GLB1L2: variants seen among roughly 807,000 people sequenced by gnomAD.
GLB1L2 encodes beta-galactosidase-1-like protein 2.
A neutral mutation model predicts 84.1 loss-of-function variants in GLB1L2; 68 were observed. The ratio of observed to expected loss-of-function variants is 0.81; its 90% CI spans 0.67 to 0.99. The LOEUF is 0.99. GLB1L2 is among the 50% of genes least tolerant of loss of function. The pLI, the probability that GLB1L2 is intolerant of heterozygous loss-of-function variation, is 0.00. For synonymous variants in GLB1L2, 290 were observed against 318.0 expected (o/e 0.91, Z 0.94); for missense variants, 762 against 805.6 (o/e 0.95, Z 0.66).
chr11:134,356,930 A>G (rs1943710835), intron 6 of GLB1L2, among the ~76,000 whole-genome samples: 1 of 152,224 alleles, frequency 6.6e-6, no homozygotes, highest in African/African-American at 2.4e-5. Flanking sequence ...TCTGTCCCTT[A>G]GTAGCTGAGA....
rs921449149 is a variant in GLB1L2 at position 134,366,269 on chromosome 11, G to T, written c.805-988G>T. Among the ~76,000 whole-genome samples the T allele has an allele frequency of 5.3e-5, 8 of 152,342 alleles. No individual in the cohort carries two copies. The Middle Eastern group carries it at 0.01, about 194-fold the overall frequency. On this transcript the variant is annotated intron_variant, in intron 8 of 18. Coordinates refer to ENST00000535456, the MANE Select transcript of GLB1L2 (RefSeq NM_001370461.1). ...GTATGGTATGTCTCCTTCTTGGAAGGTAGGTGGCTTGTAAAGAAAACCAAG... is the reference window on the plus strand; with the variant it reads ...GTATGGTATGTCTCCTTCTTGGAAGTTAGGTGGCTTGTAAAGAAAACCAAG...
In GLB1L2 at chr11:134,371,756, AC is replaced by A; in HGVS notation, c.1434del (p.Tyr478Ter). 1 of 1,613,978 alleles carries A rather than the reference AC, an allele frequency of 6.2e-7. No homozygotes were observed. The highest frequency in any genetic ancestry group is 8.5e-7 in the Non-Finnish European group (1 of 1,179,958). On this transcript the variant is annotated frameshift_variant, in exon 15 of 19. Transcript: ENST00000535456. LOFTEE classifies it high-confidence loss of function. ...TTAGCCCCGTGTTCCCGGCAGGGTT[AC>A]ACCGTGCTGAGGATCTTGGTGGAGA... ...TKIAVPLIQG[Y>X]TVLRILVENR... is the part of the protein sequence containing the mutation.
chr11:134,369,492 C>T lies in GLB1L2; in HGVS notation c.1028-313C>T, dbSNP rs527491985. 4.0e-5 allele frequency among the ~76,000 whole-genome samples: 6 copies of T among 151,732 alleles called. No individual in the cohort carries two copies. The South Asian group carries it at 6.3e-4, about 16-fold the overall frequency. The stretch of plus-strand genomic sequence containing the variant: ...TTACAGGTGCGAGCTGCTGCACAAG[C>T]GATCCTCTTGCCTTGGCCTCCCAAA... On this transcript the variant is annotated intron_variant, in intron 10 of 18. Coordinates refer to ENST00000535456, the MANE Select transcript of GLB1L2 (RefSeq NM_001370461.1).
chr11:134,373,870 A>C, intron 16 of GLB1L2, 62 bp downstream of exon 16: 12 of 1,215,470 alleles, frequency 9.9e-6, no homozygotes, highest in African/African-American at 3.0e-5. Context: ...GGTGGGGCCC[A>C]GGGGTCCCTG....
intron 4 of GLB1L2, 72 bp from the exon 5 acceptor site, chr11:134,347,253 G>T (rs117883178): frequency 2.6e-4 from 279 of 1,092,350 alleles, no homozygotes; most frequent in Non-Finnish European, 3.7e-4. Context: ...CCCTTCTCAC[G>T]CATCAACAGC....
chr11:134,367,315 G>C lies in GLB1L2; in HGVS notation c.863G>C (p.Gly288Ala), dbSNP rs146246555. 1.2e-6 allele frequency: 2 copies of C among 1,614,104 alleles called. No individual in the cohort carries two copies. Among genetic ancestry groups the C allele is most frequent in the African/African-American group, 2.7e-5 (2 of 75,054 alleles). The change falls in exon 9 of 19, where the codon GGC becomes GCC. Residue 288 changes from glycine to alanine, a missense_variant. Physicochemically the swap from Gly to Ala is moderately conservative, Grantham distance 60. Coordinates refer to ENST00000535456, the MANE Select transcript of GLB1L2 (RefSeq NM_001370461.1). ...YWTGWFDSWG[G>A]PHNILDSSEV... ...ACGGGGTGGTTTGACTCGTGGGGAG[G>C]CCCTCACAATATCTTGGATTCTTCT... is the stretch of plus-strand genomic sequence containing the variant.
chr11:134,343,037 C>G, intron 2 of GLB1L2, 86 bp downstream of exon 2: 1 of 1,378,960 alleles, frequency 7.3e-7, no homozygotes, highest in South Asian at 1.4e-5. Context: ...GAGGAACCGG[C>G]CCAGGTCCTC....
intron 1 of GLB1L2, among the ~76,000 whole-genome samples, chr11:134,340,524 G>A (rs1398344974): frequency 1.3e-5 from 2 of 152,172 alleles, no homozygotes; most frequent in African/African-American, 4.8e-5. Flanking sequence ...AGCAGGTGTG[G>A]CCTGAGCAGT....
In GLB1L2 at chr11:134,370,976, C is replaced by T. The variant is rs1183488732; in HGVS notation, c.1216-32C>T. ...TGTCTGTGACCCCACTCCTCCTGAG[C>T]CTGCCCACCCCTCCATCTCTTCTGT... is the stretch of plus-strand genomic sequence containing the variant. On this transcript the variant is annotated intron_variant, in intron 12 of 18. Coordinates refer to ENST00000535456, the MANE Select transcript of GLB1L2 (RefSeq NM_001370461.1). This position sits in a 1 kb window ranked among gnomAD's most constrained non-coding sequence, Gnocchi z 4.7. The T allele has an allele frequency of 3.7e-6, 6 of 1,611,982 alleles. No homozygotes were observed. The highest frequency in any genetic ancestry group is 1.1e-5 in the South Asian group (1 of 90,654).
At chr11:134,371,656 T>C in intron 14 of GLB1L2, 96 bp from the exon 15 acceptor site, 2 of 1,259,186 alleles carry the variant, frequency 1.6e-6, no homozygotes, top group Non-Finnish European at 2.3e-6. Flanking sequence ...TACACTCCCA[T>C]CCCCAGAGCG....
Position 134,346,817 on chromosome 11 carries a change from C to T in GLB1L2, c.450-508C>T, listed in dbSNP as rs544408507. ...ATTCAACTCTTGCTCACCTGCTGCT[C>T]TGGGCTGTGCGCCACTGATGCCAAG... On this transcript the variant is annotated intron_variant, in intron 4 of 18. Transcript: ENST00000535456. The T allele has an allele frequency of 3.1e-5, 5 of 160,054 alleles. No individual in the cohort carries two copies. The South Asian group carries it at 8.4e-4, about 27-fold the overall frequency. 9.9% of individuals were successfully genotyped at this position (160,054 alleles called of 1,614,324 possible).
chr11:134,362,774 C>T (rs911837938), intron 7 of GLB1L2, among the ~76,000 whole-genome samples: 4 of 152,170 alleles, frequency 2.6e-5, no homozygotes, highest in Admixed American at 1.3e-4. Context: ...AGGGGATGGG[C>T]CCAGGTGGGA....
Position 134,370,542 on chromosome 11 carries a change from TG to T in GLB1L2, c.1215+149del. 3.0e-6 allele frequency: 2 copies of T among 662,352 alleles called. No homozygotes were observed. The highest frequency in any genetic ancestry group is 5.3e-6 in the Non-Finnish European group (2 of 376,812). 41.0% of individuals were successfully genotyped at this position (662,352 alleles called of 1,614,324 possible). On this transcript the variant is annotated intron_variant, in intron 12 of 18. Coordinates refer to ENST00000535456, the MANE Select transcript of GLB1L2 (RefSeq NM_001370461.1). This position sits in a 1 kb window ranked among gnomAD's most constrained non-coding sequence, Gnocchi z 4.7. ...CTGGAGCCCCTCCAGACAGGGAGTG[TG>T]GGGGGAGGCAGGCCAGTGCCTGGTG...
At position 134,374,666 on chromosome 11, in the gene GLB1L2, C is replaced by T. The variant is rs772549702; in HGVS notation, c.1772C>T (p.Pro591Leu). 1.1e-5 allele frequency: 17 copies of T among 1,613,908 alleles called. No homozygotes were observed. The highest frequency in any genetic ancestry group is 6.7e-5 in the African/African-American group (5 of 74,910). The change falls in exon 18 of 19, where the codon CCC becomes CTC. Residue 591 changes from proline (P) to leucine (L), a missense_variant. Pro to Leu is a moderately conservative substitution (Grantham distance 98, BLOSUM62 -3). Around this residue, in one of 3 missense-constraint regions of GLB1L2, gnomAD observed 603 missense variants for 611.7 expected, o/e 0.99. Coordinates refer to ENST00000535456, the MANE Select transcript of GLB1L2 (RefSeq NM_001370461.1). ...QNLGRYWNIG[P>L]QKTLYLPGPW... is the part of the protein sequence containing the mutation. ...CTTGGACGTTACTGGAACATTGGAC[C>T]CCAGAAGACGCTTTACCTCCCAGGT...
intron 4 of GLB1L2, 36 bp from the exon 5 acceptor site, chr11:134,347,289 A>T: frequency 6.6e-7 from 1 of 1,516,424 alleles, no homozygotes; most frequent in East Asian, 2.3e-5. Flanking sequence ...CCACTGTGAC[A>T]CTAACATCCT....
chr11:134,371,492 G>A lies in GLB1L2; in HGVS notation c.1428G>A (p.Gln476=). 6.3e-7 allele frequency: 1 copy of A among 1,575,798 alleles called. No homozygotes were observed. Among genetic ancestry groups the A allele is most frequent in the Non-Finnish European group, 8.7e-7 (1 of 1,145,248 alleles). The change falls in exon 14 of 19, where the codon CAG becomes CAA. Residue 476 remains glutamine, a splice_region_variant and synonymous_variant. Transcript: ENST00000535456. ...KTTKIAVPLI[Q]GYTVLRILVE... ...CGAAGATTGCTGTCCCCCTGATCCA[G>A]GTTCGTTGTTTTTGGGAGCTGGGTG... is the stretch of plus-strand genomic sequence containing the variant.
intron 15 of GLB1L2, chr11:134,372,597 A>T (rs1454905927): frequency 3.3e-5 from 5 of 152,212 alleles, no homozygotes; most frequent in Non-Finnish European, 5.9e-5. Flanking sequence ...GGGTGGTTTC[A>T]GGTAAGTTAT....
intron 6 of GLB1L2, among the ~76,000 whole-genome samples, chr11:134,357,394 G>C (rs900132274): frequency 1.3e-5 from 2 of 152,224 alleles, no homozygotes; most frequent in Non-Finnish European, 2.9e-5. Context: ...GTCCAGGAAG[G>C]GTGGCATTCC....
intron 5 of GLB1L2, 130 bp downstream of exon 5, chr11:134,347,563 G>A (rs770004072): frequency 1.0e-5 from 7 of 682,484 alleles, no homozygotes; most frequent in African/African-American, 5.3e-5. Context: ...CTCACCGTCC[G>A]AGACTCGTAA....
Sources: gnomAD v4.1 joint callset for allele counts (sites outside exome capture counted in the v4.1 genomes callset) on GRCh38, gnomAD v4.1.1 for gene constraint, gnomAD v4.1.1 regional missense constraint, Gnocchi (gnomAD v3.1) non-coding constraint, MANE v1.5 for transcripts, NCBI Gene and HGNC (gene_info 2026-07-23, HGNC 2026-07-21) for gene names.